Variants in PPARGC1A observed in about 807,000 individuals in gnomAD.
The protein encoded by PPARGC1A is PPARG coactivator 1 alpha.
Under a neutral mutation model 88.7 loss-of-function variants are expected in PPARGC1A, and 25 were observed. That is an observed-to-expected ratio of 0.28 (90% CI 0.21 to 0.39). The LOEUF (loss-of-function observed/expected upper bound fraction) is 0.39, where lower values mean the gene tolerates loss of function less well. Among genes scored for constraint, PPARGC1A ranks in the 10% least tolerant of loss-of-function variants. PPARGC1A has a pLI of 1.00. For missense variants in PPARGC1A, 880 were observed against 968.7 expected (o/e 0.91, Z 1.22); for synonymous variants, 363 against 355.6 (o/e 1.02, Z -0.24).
At chr4:24,022,544 G>A in the PPARGC1A span, among the ~76,000 whole-genome samples, 2 of 152,208 alleles carry the variant, frequency 1.3e-5, no homozygotes, top group Non-Finnish European at 2.9e-5. Flanking sequence ...TGTGGCACAT[G>A]AGAGGTAATC....
At chr4:24,091,734 C>G in the PPARGC1A span, 2 of 701,180 alleles carry the variant, frequency 2.9e-6, no homozygotes, top group South Asian at 6.4e-5. Flanking sequence ...CAGACAGATG[C>G]CAACTGGCCA....
At chr4:24,199,322 T>G in the PPARGC1A span, among the ~76,000 whole-genome samples, 3 of 152,176 alleles carry the variant, frequency 2.0e-5, no homozygotes, top group South Asian at 6.2e-4. Context: ...ACTTGGTACA[T>G]GTCATACCTG....
the PPARGC1A span, among the ~76,000 whole-genome samples, chr4:24,402,145 T>A: frequency 6.6e-6 from 1 of 152,186 alleles, no homozygotes; most frequent in Admixed American, 6.5e-5. Context: ...GGCCTGGCCT[T>A]CTGGCCTGCT....
At chr4:24,137,537 A>T in the PPARGC1A span, among the ~76,000 whole-genome samples, 195 of 152,330 alleles carry the variant, frequency 1.3e-3, no homozygotes, top group Non-Finnish European at 1.2e-3. Flanking sequence ...CATAAAGAGA[A>T]ACAGATCCAC....
chr4:24,439,351 T>G, the PPARGC1A span, among the ~76,000 whole-genome samples: 1 of 152,220 alleles, frequency 6.6e-6, no homozygotes, highest in Non-Finnish European at 1.5e-5. Flanking sequence ...CAAACAGCTT[T>G]GTAGTTAATA....
the PPARGC1A span, among the ~76,000 whole-genome samples, chr4:24,040,319 T>C: frequency 6.6e-6 from 1 of 152,338 alleles, no homozygotes; most frequent in South Asian, 2.1e-4. Context: ...AAATGATTTT[T>C]CTCATCACTG....
the PPARGC1A span, among the ~76,000 whole-genome samples, chr4:24,044,312 T>C: frequency 6.6e-6 from 1 of 152,304 alleles, no homozygotes; most frequent in East Asian, 1.9e-4. Flanking sequence ...TCCTTCGTCT[T>C]TTAAAAGACC....
At chr4:24,437,415 G>A in the PPARGC1A span, among the ~76,000 whole-genome samples, 66 of 148,648 alleles carry the variant, frequency 4.4e-4, 1 homozygote, top group East Asian at 8.2e-4. Flanking sequence ...CTGAGGGAAC[G>A]GGGGGTCCTA....
the PPARGC1A span, among the ~76,000 whole-genome samples, chr4:24,417,839 G>T: frequency 6.6e-6 from 1 of 151,856 alleles, no homozygotes; most frequent in Non-Finnish European, 1.5e-5. Flanking sequence ...AAGATGAGTG[G>T]TTGCATATTT....
At chr4:24,042,092 A>G in the PPARGC1A span, among the ~76,000 whole-genome samples, 2 of 152,132 alleles carry the variant, frequency 1.3e-5, no homozygotes, top group African/African-American at 2.4e-5. Context: ...TTTATTATTA[A>G]TCATTTCAAG....
the PPARGC1A span, among the ~76,000 whole-genome samples, chr4:24,055,668 G>A: frequency 6.6e-6 from 1 of 152,204 alleles, no homozygotes; most frequent in African/African-American, 2.4e-5. Flanking sequence ...AAGTGAATAG[G>A]AACTTCAGTT....
chr4:23,922,190 C>A, the PPARGC1A span, among the ~76,000 whole-genome samples: 1 of 152,282 alleles, frequency 6.6e-6, no homozygotes, highest in African/African-American at 2.4e-5. Context: ...TAGACACAGA[C>A]CTCTAATGGA....
At chr4:23,958,967 A>G in the PPARGC1A span, among the ~76,000 whole-genome samples, 1 of 151,572 alleles carries the variant, frequency 6.6e-6, no homozygotes, top group Admixed American at 6.6e-5. Flanking sequence ...CTAGAACTTG[A>G]GTATGCAAAT....
chr4:24,232,051 A>G, the PPARGC1A span, among the ~76,000 whole-genome samples: 8 of 152,188 alleles, frequency 5.3e-5, no homozygotes, highest in Non-Finnish European at 1.2e-4. Flanking sequence ...CTTTCAGGTC[A>G]CCATGAAACA....
the PPARGC1A span, among the ~76,000 whole-genome samples, chr4:23,926,822 A>T: frequency 5.3e-5 from 8 of 152,288 alleles, no homozygotes; most frequent in South Asian, 1.7e-3. Context: ...CTCATCTACT[A>T]CTGCACCCAG....
chr4:23,818,603 G>A (rs893908702), intron 7 of PPARGC1A, among the ~76,000 whole-genome samples: 4 of 151,730 alleles, frequency 2.6e-5, no homozygotes, highest in African/African-American at 9.7e-5. Context: ...TCACACTTAC[G>A]CACTTCTGCA....
the PPARGC1A span, among the ~76,000 whole-genome samples, chr4:24,002,097 C>CACACAG: frequency 5.4e-3 from 680 of 125,342 alleles, 4 homozygotes; most frequent in African/African-American, 0.021. Context: ...CACACACACA[C>CACACAG]AGAGAGAGAG....
the PPARGC1A span, among the ~76,000 whole-genome samples, chr4:23,961,004 C>A: frequency 6.6e-6 from 1 of 152,028 alleles, no homozygotes; most frequent in Non-Finnish European, 1.5e-5. Flanking sequence ...TTAGCTAAGT[C>A]TACATGTTGG....
At chr4:24,058,859 C>T in the PPARGC1A span, among the ~76,000 whole-genome samples, 22 of 152,254 alleles carry the variant, frequency 1.4e-4, no homozygotes, top group African/African-American at 5.1e-4. Context: ...GCAGGAGAAT[C>T]GCTTGAACCC....
Sources: gnomAD v4.1 joint callset for allele counts (sites outside exome capture counted in the v4.1 genomes callset) on GRCh38, gnomAD v4.1.1 for gene constraint, MANE v1.5 for transcripts, NCBI Gene and HGNC (gene_info 2026-07-23, HGNC 2026-07-21) for gene names.